The following LEPROT variants were observed in gnomAD, a reference collection of about 807,000 sequenced individuals.
LEPROT encodes the protein leptin receptor gene-related protein.
A neutral mutation model predicts 15.4 loss-of-function variants in LEPROT; 3 were observed. That is an observed-to-expected ratio of 0.19 (90% CI 0.09 to 0.50). LEPROT has a LOEUF of 0.50. Ranked by LOEUF, LEPROT falls within the 20% of genes least tolerant of loss-of-function variation. LEPROT has a pLI of 0.97. For missense variants in LEPROT, 137 were observed against 162.2 expected (o/e 0.84, Z 0.84); for synonymous variants, 59 against 57.5 (o/e 1.03, Z -0.12).
Position 65,432,868 on chromosome 1 carries a change from C to A in LEPROT, c.*949C>A. 1 of 758,590 alleles carries A rather than the reference C, an allele frequency of 1.3e-6. No individual in the cohort carries two copies. The highest frequency in any genetic ancestry group is 1.6e-6 in the Non-Finnish European group (1 of 623,024). 47.0% of individuals were successfully genotyped at this position (758,590 alleles called of 1,614,324 possible). On this transcript the variant is annotated 3_prime_UTR_variant, in exon 4 of 4. Coordinates refer to ENST00000371065, the MANE Select transcript of LEPROT (RefSeq NM_017526.5). ...TCATATGTTAATTAGTGTAATCATT[C>A]CACCTTATATTCAAAAATCATAAAA...
Position 65,435,795 on chromosome 1 carries a change from A to T in LEPROT, c.*3876A>T, listed in dbSNP as rs1175140338. 2 of 977,592 alleles carry T rather than the reference A, an allele frequency of 2.0e-6. No homozygotes were observed. The highest frequency in any genetic ancestry group is 2.4e-6 in the Non-Finnish European group (2 of 822,902). 60.6% of individuals were successfully genotyped at this position (977,592 alleles called of 1,614,324 possible). On this transcript the variant is annotated 3_prime_UTR_variant, in exon 4 of 4. Transcript: ENST00000371065. ...AACTGAGAAATATTATGTCTGTAGT[A>T]GATAAATATTAGTTGTGCATTTTAA... is the stretch of plus-strand genomic sequence containing the variant.
chr1:65,434,068 G>T lies in LEPROT; in HGVS notation c.*2149G>T, dbSNP rs181037966. The T allele has an allele frequency of 1.2e-5, 12 of 985,246 alleles. No individual in the cohort carries two copies. The Admixed American group carries it at 7.4e-4, about 60-fold the overall frequency. The allele number at this position is 985,246 out of a possible 1,614,324, so 61.0% of individuals were successfully genotyped here. The stretch of plus-strand genomic sequence containing the variant: ...ATACACATTTTCAATAACCAAGGTA[G>T]CCTTCATATGTAGCCTTAAAGCATT... On this transcript the variant is annotated 3_prime_UTR_variant, in exon 4 of 4. Coordinates refer to ENST00000371065, the MANE Select transcript of LEPROT (RefSeq NM_017526.5).
chr1:65,421,585 T>A, intron 1 of LEPROT: 1 of 1,069,160 alleles, frequency 9.4e-7, no homozygotes, highest in Non-Finnish European at 1.4e-6. Flanking sequence ...TATAAACATG[T>A]AGATAGTATA....
intron 2 of LEPROT, among the ~76,000 whole-genome samples, chr1:65,426,531 A>G (rs1202283193): frequency 6.6e-6 from 1 of 152,092 alleles, no homozygotes; most frequent in Non-Finnish European, 1.5e-5. Context: ...GTAGGGGACT[A>G]CTATCATAAA....
chr1:65,428,585 A>T (rs979010591), intron 2 of LEPROT, among the ~76,000 whole-genome samples: 1 of 152,166 alleles, frequency 6.6e-6, no homozygotes, highest in African/African-American at 2.4e-5. Flanking sequence ...TTGGTTGCCT[A>T]GATCTGTGGC....
intron 1 of LEPROT, 99 bp from the exon 2 acceptor site, chr1:65,425,204 C>T: frequency 1.0e-6 from 1 of 957,552 alleles, no homozygotes; most frequent in South Asian, 1.4e-5. Context: ...GCCAAAGAAA[C>T]TCTGGACCTA....
rs1646528856 is a variant in LEPROT at position 65,434,335 on chromosome 1, TG to T, written c.*2417del. ...TATAAAAGGCTCTTTTTTTATATAT[TG>T]TACAATATATTTGGAGATTCAGAGC... On this transcript the variant is annotated 3_prime_UTR_variant, in exon 4 of 4. Coordinates refer to ENST00000371065, the MANE Select transcript of LEPROT (RefSeq NM_017526.5). 1 of 985,018 alleles carries T rather than the reference TG, an allele frequency of 1.0e-6. No homozygotes were observed. The highest frequency in any genetic ancestry group is 1.7e-5 in the African/African-American group (1 of 57,240). The allele number at this position is 985,018 out of a possible 1,614,324, so 61.0% of individuals were successfully genotyped here. A position where few individuals can be genotyped will look rare whatever the true frequency, so the allele number is the denominator to read the frequency against.
chr1:65,427,288 C>G (rs1646396337), intron 2 of LEPROT, among the ~76,000 whole-genome samples: 1 of 151,980 alleles, frequency 6.6e-6, no homozygotes, highest in South Asian at 2.1e-4. Context: ...CAGTAAGTGA[C>G]AGAGCCCGGC....
chr1:65,421,011 C>T (rs1646237271), intron 1 of LEPROT, among the ~76,000 whole-genome samples: 1 of 152,166 alleles, frequency 6.6e-6, no homozygotes, highest in Non-Finnish European at 1.5e-5. Context: ...GAGCCCTCGG[C>T]GAGAGCGGCG....
In LEPROT at chr1:65,432,529, C is replaced by A; in HGVS notation, c.*610C>A. On this transcript the variant is annotated 3_prime_UTR_variant, in exon 4 of 4. Coordinates refer to ENST00000371065, the MANE Select transcript of LEPROT (RefSeq NM_017526.5). ...CTTCCTTATCTTTCCAGTGGCTAAA[C>A]CACTTAACCTCTCTGGGTGTTACCT... The A allele has an allele frequency of 2.6e-6, 2 of 783,222 alleles. No individual in the cohort carries two copies. The highest frequency in any genetic ancestry group is 3.1e-6 in the Non-Finnish European group (2 of 646,084). The allele number at this position is 783,222 out of a possible 1,614,324, so 48.5% of individuals were successfully genotyped here.
intron 1 of LEPROT, 44 bp downstream of exon 1, chr1:65,420,784 C>T (rs530298155): frequency 1.9e-6 from 3 of 1,565,190 alleles, no homozygotes; most frequent in South Asian, 2.3e-5. Context: ...GTGGGGTTGC[C>T]ACCTCCGTTC....
In LEPROT at chr1:65,432,260, A is replaced by G. The variant is rs1253440307; in HGVS notation, c.*341A>G. ...CTTGGGGATGTGCTTGGAGAGGCAG[A>G]TAACGCTGAAGCAGGCCTCTCATGA... On this transcript the variant is annotated 3_prime_UTR_variant, in exon 4 of 4. Coordinates refer to ENST00000371065, the MANE Select transcript of LEPROT (RefSeq NM_017526.5). The G allele has an allele frequency of 1.0e-6, 1 of 1,004,866 alleles. No individual in the cohort carries two copies. The highest frequency in any genetic ancestry group is 1.7e-5 in the African/African-American group (1 of 57,570). The allele number at this position is 1,004,866 out of a possible 1,614,324, so 62.2% of individuals were successfully genotyped here.
intron 1 of LEPROT, among the ~76,000 whole-genome samples, chr1:65,422,948 A>G (rs1159308049): frequency 6.6e-6 from 1 of 152,224 alleles, no homozygotes; most frequent in Admixed American, 6.5e-5. Flanking sequence ...AGAGGCAGGA[A>G]TAAGAGGTTA....
intron 2 of LEPROT, among the ~76,000 whole-genome samples, chr1:65,429,342 G>A (rs1203658978): frequency 6.6e-6 from 1 of 152,084 alleles, no homozygotes; most frequent in African/African-American, 2.4e-5. Flanking sequence ...AAAAAAGGCT[G>A]GTGTGGCTAC....
chr1:65,430,101 G>A lies in LEPROT; in HGVS notation c.279+53G>A, dbSNP rs1646457551. Reference sequence around the variant, plus strand: ...CAACCGTTGCTGAGTTTACTTCAGAGGCCTGTGTCTGGGACCTCCATTTCA... The same window carrying A: ...CAACCGTTGCTGAGTTTACTTCAGAAGCCTGTGTCTGGGACCTCCATTTCA... On this transcript the variant is annotated intron_variant, in intron 3 of 3. Transcript: ENST00000371065. 6 of 1,442,058 alleles carry A rather than the reference G, an allele frequency of 4.2e-6. No homozygotes were observed. In the Admixed American group the frequency reaches 7.7e-5, roughly 19 times the overall value. 89.3% of individuals were successfully genotyped at this position (1,442,058 alleles called of 1,614,324 possible). A position where few individuals can be genotyped will look rare whatever the true frequency, so the allele number is the denominator to read the frequency against.
At chr1:65,431,128 TACA>T (rs1285955303) in intron 3 of LEPROT, among the ~76,000 whole-genome samples, 1 of 152,224 alleles carries the variant, frequency 6.6e-6, no homozygotes, top group Non-Finnish European at 1.5e-5. Flanking sequence ...GGTTTTTGAA[TACA>T]ACAAGATTGT....
Position 65,433,299 on chromosome 1 carries a change from A to G in LEPROT, c.*1380A>G, listed in dbSNP as rs1439329955. 1.0e-6 allele frequency: 1 copy of G among 985,396 alleles called. No individual in the cohort carries two copies. Among genetic ancestry groups the G allele is most frequent in the Non-Finnish European group, 1.2e-6 (1 of 829,914 alleles). 61.0% of individuals were successfully genotyped at this position (985,396 alleles called of 1,614,324 possible). A position where few individuals can be genotyped will look rare whatever the true frequency, so the allele number is the denominator to read the frequency against. ...GCTTAATTTCACTACGTGTTGATGT[A>G]CTTGTCTTCCGTCCTGTAGGTCTTT... On this transcript the variant is annotated 3_prime_UTR_variant, in exon 4 of 4. Transcript: ENST00000371065.
intron 2 of LEPROT, 62 bp downstream of exon 2, chr1:65,425,440 G>T: frequency 5.7e-6 from 8 of 1,408,708 alleles, no homozygotes; most frequent in Non-Finnish European, 5.8e-6. Context: ...ATTAGTATGG[G>T]TGTTAGAGAG....
Position 65,433,444 on chromosome 1 carries a change from T to C in LEPROT, c.*1525T>C. 1 of 985,444 alleles carries C rather than the reference T, an allele frequency of 1.0e-6. No individual in the cohort carries two copies. The highest frequency in any genetic ancestry group is 1.2e-6 in the Non-Finnish European group (1 of 829,936). The allele number at this position is 985,444 out of a possible 1,614,324, so 61.0% of individuals were successfully genotyped here. ...TAAGATCTATTGAGAAAGGGAAATA[T>C]GGGAAGGAGAACCATTTGATCAGAA... is the stretch of plus-strand genomic sequence containing the variant. On this transcript the variant is annotated 3_prime_UTR_variant, in exon 4 of 4. Transcript: ENST00000371065.
Sources: allele counts gnomAD v4.1 joint callset (sites outside exome capture counted in the v4.1 genomes callset), GRCh38; gene constraint gnomAD v4.1.1; transcripts MANE v1.5; gene names NCBI Gene and HGNC (gene_info 2026-07-23, HGNC 2026-07-21).